SCN7A: variants seen among roughly 807,000 people sequenced by gnomAD.
The protein encoded by SCN7A is sodium channel protein type 7 subunit alpha.
Under a neutral mutation model 155.2 loss-of-function variants are expected in SCN7A, and 138 were observed. The observed-to-expected ratio is 0.89, with a 90% CI of 0.77 to 1.02. The LOEUF (loss-of-function observed/expected upper bound fraction) is 1.02, where lower values mean the gene tolerates loss of function less well. Ranked by LOEUF, SCN7A falls within the 50% of genes least tolerant of loss-of-function variation. SCN7A has a pLI of 0.00. For missense variants in SCN7A, 2,058 were observed against 1,986.6 expected, an observed-to-expected ratio of 1.04 and a Z score of -0.68; for synonymous variants, 693 against 649.0, an observed-to-expected ratio of 1.07 and a Z score of -1.03.
chr2:166,413,761 C>A (rs1345123020), intron 21 of SCN7A, among the ~76,000 whole-genome samples: 1 of 150,848 alleles, frequency 6.6e-6, no homozygotes, highest in East Asian at 2.0e-4. Flanking sequence ...GGCAGGAAAA[C>A]GTGAAAAGGC....
intron 6 of SCN7A, among the ~76,000 whole-genome samples, chr2:166,471,845 C>A (rs780661270): frequency 1.1e-4 from 16 of 151,898 alleles, no homozygotes; most frequent in Non-Finnish European, 1.8e-4. Context: ...CTAGGACCTT[C>A]TCCTAAGTAT....
intron 25 of SCN7A, among the ~76,000 whole-genome samples, chr2:166,407,598 C>T (rs1701103160): frequency 6.6e-6 from 1 of 151,938 alleles, no homozygotes; most frequent in Non-Finnish European, 1.5e-5. Context: ...TACTCTGACC[C>T]AAATTCTCAT....
At chr2:166,482,539 T>G (rs1399258445) in intron 2 of SCN7A, among the ~76,000 whole-genome samples, 3 of 151,924 alleles carry the variant, frequency 2.0e-5, no homozygotes, top group African/African-American at 7.2e-5. Context: ...CTCATATATC[T>G]CACAAGGTTT....
At chr2:166,487,388 T>C (rs1703077030) in intron 1 of SCN7A, among the ~76,000 whole-genome samples, 1 of 151,924 alleles carries the variant, frequency 6.6e-6, no homozygotes, top group East Asian at 2.0e-4. Flanking sequence ...ATGCCAGAAG[T>C]CAGTATTTTT....
chr2:166,416,194 G>A (rs1701372879), intron 21 of SCN7A, among the ~76,000 whole-genome samples: 1 of 152,090 alleles, frequency 6.6e-6, no homozygotes, highest in Non-Finnish European at 1.5e-5. Flanking sequence ...CTCGAACCCT[G>A]TTTTCTGTTA....
chr2:166,429,208 T>C lies in SCN7A; in HGVS notation c.2659A>G (p.Met887Val), dbSNP rs1559098100. Reference sequence around the variant, plus strand: ...TTTGATCTTTCACCTCCATAGAACATTTCTTCTTCTTCAGAGATAGCAATA... The same window carrying C: ...TTTGATCTTTCACCTCCATAGAACACTTCTTCTTCTTCAGAGATAGCAATA... Reference protein sequence around the residue: ...VDIAISEEEEMFYGGERSKHL... With the variant: ...VDIAISEEEEVFYGGERSKHL... The change falls in exon 17 of 26, where the codon ATG (methionine) becomes GTG (valine). Residue 887 changes from methionine (M) to valine (V), a missense_variant. By Grantham distance (21) the Met-to-Val change is conservative. Coordinates refer to ENST00000643258, the MANE Select transcript of SCN7A (RefSeq NM_002976.4). The C allele has an allele frequency of 1.3e-6, 2 of 1,546,890 alleles. No homozygotes were observed. Among genetic ancestry groups the C allele is most frequent in the East Asian group, 2.4e-5 (1 of 41,536 alleles).
chr2:166,433,009 C>CA (rs771964424), intron 15 of SCN7A, among the ~76,000 whole-genome samples: 10 of 152,084 alleles, frequency 6.6e-5, no homozygotes, highest in Admixed American at 1.3e-4. Flanking sequence ...CTAACCACCC[C>CA]AGCTTCTGGT....
chr2:166,431,182 A>G (rs1701725001), intron 16 of SCN7A, among the ~76,000 whole-genome samples: 1 of 152,076 alleles, frequency 6.6e-6, no homozygotes. Flanking sequence ...TCTTTAACGA[A>G]GATTGAGAAG....
At chr2:166,407,020 C>T (rs927623104) in intron 25 of SCN7A, among the ~76,000 whole-genome samples, 2 of 151,980 alleles carry the variant, frequency 1.3e-5, no homozygotes, top group East Asian at 3.9e-4. Flanking sequence ...TTATTGAATG[C>T]CCAATAAATA....
In SCN7A at chr2:166,432,287, A is replaced by G. The variant is rs1431895924; in HGVS notation, c.2592+31T>C. The G allele has an allele frequency of 1.1e-5, 17 of 1,532,350 alleles. No individual in the cohort carries two copies. In the Middle Eastern group the frequency reaches 5.3e-4, roughly 48 times the overall value. The allele number at this position is 1,532,350 out of a possible 1,614,324, so 94.9% of individuals were successfully genotyped here. ...CTTATCAACAATACTATAAATCACCACTAAGCAATCAGGATATTTAAACAT... is the reference window on the plus strand; with the variant it reads ...CTTATCAACAATACTATAAATCACCGCTAAGCAATCAGGATATTTAAACAT... On this transcript the variant is annotated intron_variant, in intron 16 of 25. Coordinates refer to ENST00000643258, the MANE Select transcript of SCN7A (RefSeq NM_002976.4).
At chr2:166,444,640 A>G (rs1702023389) in intron 13 of SCN7A, 122 bp downstream of exon 13, 1 of 632,074 alleles carries the variant, frequency 1.6e-6, no homozygotes, top group Non-Finnish European at 2.8e-6. Flanking sequence ...TCATTCAATA[A>G]TAATGCATAT....
At chr2:166,418,871 AAT>A in intron 20 of SCN7A, among the ~76,000 whole-genome samples, 2 of 152,290 alleles carry the variant, frequency 1.3e-5, no homozygotes, top group South Asian at 4.1e-4. Context: ...GTAACTTCCT[AAT>A]ATACTCAATG....
chr2:166,414,249 T>TAG, intron 21 of SCN7A, among the ~76,000 whole-genome samples: 1 of 66,490 alleles, frequency 1.5e-5, no homozygotes. Context: ...TATGTAAATA[T>TAG]ATATAGATAT....
chr2:166,423,728 T>C (rs1029444189), intron 18 of SCN7A, among the ~76,000 whole-genome samples: 1 of 152,058 alleles, frequency 6.6e-6, no homozygotes, highest in African/African-American at 2.4e-5. Context: ...CCCTCCAAAA[T>C]CAGTTAATCA....
Position 166,414,806 on chromosome 2 carries a change from T to A in SCN7A, c.3415-1685A>T, listed in dbSNP as rs1241639893. 33 of 133,604 alleles carry A rather than the reference T, an allele frequency of 2.5e-4. 1 individual carries two copies. The South Asian group carries it at 7.2e-3, about 29-fold the overall frequency. 8.3% of individuals were successfully genotyped at this position (133,604 alleles called of 1,614,324 possible). A position where few individuals can be genotyped will look rare whatever the true frequency, so the allele number is the denominator to read the frequency against. ...ATATATTATTATATAGGATAATATA[T>A]AGTAGGATATATAATATATAATAGG... On this transcript the variant is annotated intron_variant, in intron 21 of 25. Transcript: ENST00000643258.
At chr2:166,439,576 T>C (rs909076335) in intron 15 of SCN7A, among the ~76,000 whole-genome samples, 10 of 152,190 alleles carry the variant, frequency 6.6e-5, no homozygotes, top group African/African-American at 1.9e-4. Context: ...TGAAGCAAGA[T>C]CTATCTCTGA....
chr2:166,429,837 T>G (rs532318804), intron 16 of SCN7A, among the ~76,000 whole-genome samples: 2 of 152,058 alleles, frequency 1.3e-5, no homozygotes, highest in Admixed American at 6.6e-5. Flanking sequence ...CACAGCCTTA[T>G]GAAAAGCACC....
chr2:166,424,909 AC>A (rs1233253065), intron 18 of SCN7A, among the ~76,000 whole-genome samples: 2 of 151,978 alleles, frequency 1.3e-5, no homozygotes, highest in Non-Finnish European at 2.9e-5. Context: ...TTACTGGCAT[AC>A]CTAACTATTC....
chr2:166,431,544 A>C (rs1701731823), intron 16 of SCN7A, among the ~76,000 whole-genome samples: 1 of 152,010 alleles, frequency 6.6e-6, no homozygotes, highest in African/African-American at 2.4e-5. Context: ...TGCAGATGTG[A>C]TCTCTGTAGG....
Sources: allele counts gnomAD v4.1 joint callset (sites outside exome capture counted in the v4.1 genomes callset), GRCh38; gene constraint gnomAD v4.1.1; transcripts MANE v1.5; gene names NCBI Gene and HGNC (gene_info 2026-07-23, HGNC 2026-07-21).